The following CNTN4 variants were observed in gnomAD, a reference collection of about 807,000 sequenced individuals.
CNTN4 encodes the protein contactin-4.
In CNTN4, 77 loss-of-function variants were observed where a neutral mutation model predicts 122.5. The observed-to-expected ratio is 0.63, with a 90% CI of 0.52 to 0.76. The LOEUF (loss-of-function observed/expected upper bound fraction) is 0.76, where lower values mean the gene tolerates loss of function less well. Among genes scored for constraint, CNTN4 ranks in the 30% least tolerant of loss-of-function variants. The probability of loss-of-function intolerance (pLI) is 0.00; values close to 1 mark genes in which losing one functional copy is unlikely to be tolerated. For synonymous variants in CNTN4, 512 were observed against 447.0 expected, an observed-to-expected ratio of 1.15 and a Z score of -1.83; for missense variants, 1,256 against 1,259.1, an observed-to-expected ratio of 1.00 and a Z score of 0.04.
chr3:3,044,770 G>A (rs1700471499), intron 23 of CNTN4, among the ~76,000 whole-genome samples: 1 of 152,226 alleles, frequency 6.6e-6, no homozygotes, highest in African/African-American at 2.4e-5. Context: ...GCGCAGGACA[G>A]TGGGGGAAGT....
chr3:2,533,940 C>T (rs1398518253), intron 3 of CNTN4, among the ~76,000 whole-genome samples: 1 of 148,202 alleles, frequency 6.7e-6, no homozygotes, highest in African/African-American at 2.5e-5. Context: ...ATCCTTTGCC[C>T]ACTTTTTGAT....
intron 4 of CNTN4, among the ~76,000 whole-genome samples, chr3:2,716,538 C>T (rs2087508358): frequency 6.6e-6 from 1 of 151,984 alleles, no homozygotes; most frequent in Non-Finnish European, 1.5e-5. Context: ...TTCTCCCATT[C>T]TCTGTGGCCC....
intron 2 of CNTN4, among the ~76,000 whole-genome samples, chr3:2,241,940 T>C (rs1559372155): frequency 1.3e-5 from 2 of 152,250 alleles, no homozygotes; most frequent in East Asian, 3.9e-4. Context: ...CCCCATTGGA[T>C]AAATCATCTC....
chr3:2,418,112 G>C (rs2047483301), intron 3 of CNTN4, among the ~76,000 whole-genome samples: 1 of 152,076 alleles, frequency 6.6e-6, no homozygotes, highest in Non-Finnish European at 1.5e-5. Context: ...TAAAACATAA[G>C]AGTAAACCCT....
At chr3:2,243,715 A>G (rs1387932334) in intron 2 of CNTN4, among the ~76,000 whole-genome samples, 1 of 152,078 alleles carries the variant, frequency 6.6e-6, no homozygotes, top group Non-Finnish European at 1.5e-5. Context: ...TTTCTCAATG[A>G]TAAGGGCAAA....
intron 3 of CNTN4, among the ~76,000 whole-genome samples, chr3:2,409,233 A>G (rs894780112): frequency 1.3e-5 from 2 of 149,618 alleles, no homozygotes; most frequent in African/African-American, 4.9e-5. Flanking sequence ...AGTAATTTCT[A>G]GGTATCTTTT....
In CNTN4 at chr3:2,124,422, G is replaced by C. The variant is rs528606175; in HGVS notation, c.-145+23783G>C. 1.8e-4 allele frequency among the ~76,000 whole-genome samples: 24 copies of C among 134,892 alleles called. No individual in the cohort carries two copies. In the South Asian group the frequency reaches 5.9e-3, roughly 33 times the overall value. The allele number at this position is 134,892 out of a possible 152,430, so 88.5% of individuals were successfully genotyped here. The stretch of plus-strand genomic sequence containing the variant: ...ATTTTTAAAAGCCTTTGTCTGCATA[G>C]ATTTATTTAAAACACACACACACAC... On this transcript the variant is annotated intron_variant, in intron 2 of 24. Coordinates refer to ENST00000418658, the MANE Select transcript of CNTN4 (RefSeq NM_175607.3).
rs535151680 is a variant in CNTN4, at chr3:2,628,725, G to T, written c.55+57167G>T. Among the ~76,000 whole-genome samples, 263 of 152,332 alleles carry T rather than the reference G, an allele frequency of 1.7e-3. 2 individuals carry two copies. The highest frequency in any genetic ancestry group is 3.0e-3 in the Non-Finnish European group (204 of 68,030). The stretch of plus-strand genomic sequence containing the variant: ...TCCTTCAACCAGTAGTTCCGTGTCT[G>T]ATGTGTAGACAGTGGTAACTGCCAT... On this transcript the variant is annotated intron_variant, in intron 4 of 24. Transcript: ENST00000418658.
intron 6 of CNTN4, among the ~76,000 whole-genome samples, chr3:2,798,349 A>C (rs9864814): frequency 0.69 from 91,427 of 133,170 alleles, 28,137 homozygotes; most frequent in South Asian, 0.79. Context: ...TATACATACT[A>C]TATCTATACA....
At position 2,988,383 on chromosome 3, in the gene CNTN4, A is replaced by G. The variant is rs763199956; in HGVS notation, c.1397A>G (p.Asn466Ser). ...GAAGATGGAAACCTCAGAATCATCA[A>G]CGTTACTAAATCAGACGCTGGGAGT... ...ISEDGNLRIINVTKSDAGSYT... is the reference protein window; with the variant it reads ...ISEDGNLRIISVTKSDAGSYT... The change falls in exon 14 of 25, where the codon AAC (asparagine) becomes AGC (serine). Residue 466 changes from asparagine (N) to serine (S), a missense_variant. By Grantham distance (46) the Asn-to-Ser change is conservative (BLOSUM62 1). Coordinates refer to ENST00000418658, the MANE Select transcript of CNTN4 (RefSeq NM_175607.3). The G allele has an allele frequency of 3.2e-5, 51 of 1,613,642 alleles. No individual in the cohort carries two copies. Among genetic ancestry groups the G allele is most frequent in the South Asian group, 5.5e-5 (5 of 91,078 alleles).
At chr3:2,988,723 A>G (rs1329181102) in intron 14 of CNTN4, 7 of 481,278 alleles carry the variant, frequency 1.5e-5, no homozygotes, top group Non-Finnish European at 2.6e-5. Flanking sequence ...TATCTCTTAT[A>G]GTATTGTAAC....
At chr3:2,830,613 T>G (rs2093083495) in intron 7 of CNTN4, among the ~76,000 whole-genome samples, 1 of 152,180 alleles carries the variant, frequency 6.6e-6, no homozygotes, top group Non-Finnish European at 1.5e-5. Context: ...AGGGATGTAC[T>G]AGCCAGAAGA....
At chr3:2,818,412 A>G (rs946264434) in intron 6 of CNTN4, among the ~76,000 whole-genome samples, 2 of 152,192 alleles carry the variant, frequency 1.3e-5, no homozygotes, top group Non-Finnish European at 2.9e-5. Flanking sequence ...AATACTTACC[A>G]AAATGGCCAG....
intron 3 of CNTN4, among the ~76,000 whole-genome samples, chr3:2,551,732 C>T (rs2078515190): frequency 6.6e-6 from 1 of 152,078 alleles, no homozygotes; most frequent in Admixed American, 6.6e-5. Flanking sequence ...ACATGTTTAT[C>T]ATCAATGCTT....
intron 2 of CNTN4, among the ~76,000 whole-genome samples, chr3:2,202,459 A>G (rs2038144008): frequency 6.6e-6 from 1 of 152,178 alleles, no homozygotes; most frequent in South Asian, 2.1e-4. Context: ...GATTGTTAAA[A>G]TAGGATCAAT....
intron 13 of CNTN4, among the ~76,000 whole-genome samples, chr3:2,950,397 A>G (rs1322079643): frequency 1.3e-5 from 2 of 152,186 alleles, no homozygotes; most frequent in African/African-American, 4.8e-5. Context: ...AACCTGCCAA[A>G]TGAGTTTGGG....
At chr3:2,859,736 A>G (rs2093653644) in intron 7 of CNTN4, among the ~76,000 whole-genome samples, 1 of 152,180 alleles carries the variant, frequency 6.6e-6, no homozygotes, top group African/African-American at 2.4e-5. Context: ...GCCTTTAAAA[A>G]TCATATAAGT....
At chr3:2,425,542 T>G (rs913723569) in intron 3 of CNTN4, among the ~76,000 whole-genome samples, 6 of 152,210 alleles carry the variant, frequency 3.9e-5, no homozygotes, top group African/African-American at 1.4e-4. Context: ...TAGGATTGTC[T>G]TGGCAATGTG....
chr3:2,263,290 G>T (rs2040913146), intron 2 of CNTN4, among the ~76,000 whole-genome samples: 1 of 152,074 alleles, frequency 6.6e-6, no homozygotes, highest in African/African-American at 2.4e-5. Context: ...GCTCTTAACG[G>T]TGTCAGCAAA....
Sources: allele counts gnomAD v4.1 joint callset (sites outside exome capture counted in the v4.1 genomes callset), GRCh38; gene constraint gnomAD v4.1.1; transcripts MANE v1.5; gene names NCBI Gene and HGNC (gene_info 2026-07-23, HGNC 2026-07-21).